The following DMXL1 variants were observed in gnomAD, a reference collection of about 807,000 sequenced individuals.
The protein encoded by DMXL1 is Dmx like 1.
In DMXL1, 99 loss-of-function variants were observed where a neutral mutation model predicts 319.2. The ratio of observed to expected loss-of-function variants is 0.31; its 90% confidence interval spans 0.26 to 0.37. The LOEUF (loss-of-function observed/expected upper bound fraction) is 0.37. DMXL1 is among the 10% of genes least tolerant of loss of function. The pLI, the probability that DMXL1 is intolerant of heterozygous loss-of-function variation, is 1.00. For synonymous variants in DMXL1, 1,385 were observed against 1,235.2 expected (o/e 1.12, Z -2.54); for missense variants, 3,745 against 3,595.6 (o/e 1.04, Z -1.06).
At position 119,106,159 on chromosome 5, in the gene DMXL1, A is replaced by C. The variant is rs559047690; in HGVS notation, c.364+901A>C. On this transcript the variant is annotated intron_variant, in intron 4 of 43. Transcript: ENST00000539542. Reference sequence around the variant, plus strand: ...GGCCTTGCTGCTTGCTATCTACTGGAATGCCTTTGTTCTCCTCCACATGGC... The same window carrying C: ...GGCCTTGCTGCTTGCTATCTACTGGCATGCCTTTGTTCTCCTCCACATGGC... Among the ~76,000 whole-genome samples the C allele has an allele frequency of 4.7e-3, 709 of 152,210 alleles. 5 individuals carry two copies. The highest frequency in any genetic ancestry group is 0.016 in the African/African-American group (658 of 41,518).
rs536107046 is a variant in DMXL1 at position 119,113,335 on chromosome 5, G to A, written c.498-1140G>A. 7.2e-5 allele frequency among the ~76,000 whole-genome samples: 11 copies of A among 152,158 alleles called. 1 individual carries two copies. In the East Asian group the frequency reaches 2.1e-3, roughly 29 times the overall value. ...TGGCTCACTGCAACCTCTACCTCCT[G>A]GGTTCAAGCAATTCTCCTGCCTCAG... On this transcript the variant is annotated intron_variant, in intron 5 of 43. Coordinates refer to ENST00000539542, the MANE Select transcript of DMXL1 (RefSeq NM_001290321.3).
chr5:119,243,285 G>A (rs1160988330), intron 42 of DMXL1, among the ~76,000 whole-genome samples: 1 of 152,118 alleles, frequency 6.6e-6, no homozygotes, highest in Non-Finnish European at 1.5e-5. Context: ...TTTAGTTTAT[G>A]CCATGGACTA....
Position 119,221,037 on chromosome 5 carries a change from A to G in DMXL1, c.8233A>G (p.Met2745Val), listed in dbSNP as rs756021355. ...THSNPGTPINMPWLGSTQTGR... is the reference protein window; with the variant it reads ...THSNPGTPINVPWLGSTQTGR... ...TAGCAATCCTGGCACTCCAATCAAC[A>G]TGCCATGGCTTGGTAGTACACAGAC... The change falls in exon 37 of 44, where the codon ATG becomes GTG. Residue 2745 changes from methionine (M) to valine (V), a missense_variant. Met to Val is a conservative substitution (Grantham distance 21). Around this residue, in one of 4 missense-constraint regions of DMXL1, gnomAD observed 1,382 missense variants for 1,269.5 expected, o/e 1.09. Coordinates refer to ENST00000539542, the MANE Select transcript of DMXL1 (RefSeq NM_001290321.3). 3.0e-5 allele frequency: 48 copies of G among 1,613,726 alleles called. No homozygotes were observed. The highest frequency in any genetic ancestry group is 8.3e-5 in the Admixed American group (5 of 59,988).
chr5:119,139,333 G>A (rs910137433), intron 13 of DMXL1, among the ~76,000 whole-genome samples: 15 of 152,100 alleles, frequency 9.9e-5, no homozygotes, highest in African/African-American at 3.6e-4. Context: ...GGTATAGAGT[G>A]GCACACTGGA....
At chr5:119,131,942 C>G (rs2150041227) in intron 10 of DMXL1, among the ~76,000 whole-genome samples, 1 of 152,278 alleles carries the variant, frequency 6.6e-6, no homozygotes, top group East Asian at 1.9e-4. Flanking sequence ...GTTCCTCACA[C>G]TCAAGGCAAA....
chr5:119,151,734 C>T (rs1034472295), intron 18 of DMXL1, among the ~76,000 whole-genome samples, 195 bp from the exon 19 acceptor site: 2 of 152,064 alleles, frequency 1.3e-5, no homozygotes, highest in African/African-American at 2.4e-5. Context: ...TCTTTATTCT[C>T]TTTATTATTT....
At chr5:119,160,645 A>C (rs764154995) in intron 19 of DMXL1, among the ~76,000 whole-genome samples, 1 of 152,138 alleles carries the variant, frequency 6.6e-6, no homozygotes, top group South Asian at 2.1e-4. Flanking sequence ...ATTGTAATCT[A>C]TCTCTCCCTT....
At chr5:119,239,691 C>T (rs1050223348) in intron 41 of DMXL1, among the ~76,000 whole-genome samples, 1 of 152,140 alleles carries the variant, frequency 6.6e-6, no homozygotes, top group Non-Finnish European at 1.5e-5. Flanking sequence ...CACAGTGGCT[C>T]ATGCTTGTAA....
At chr5:119,180,518 C>T (rs1776594553) in intron 28 of DMXL1, among the ~76,000 whole-genome samples, 1 of 152,096 alleles carries the variant, frequency 6.6e-6, no homozygotes, top group Non-Finnish European at 1.5e-5. Context: ...TCATTTACTT[C>T]TCCTTTTTCT....
intron 23 of DMXL1, among the ~76,000 whole-genome samples, chr5:119,168,706 T>C (rs1283818023): frequency 1.3e-5 from 2 of 151,982 alleles, no homozygotes; most frequent in African/African-American, 4.8e-5. Context: ...ACTTTCTTTT[T>C]TTAGTGTTTT....
In DMXL1 at chr5:119,239,100, A is replaced by G. The variant is rs1323047686; in HGVS notation, c.8651+20A>G. The G allele has an allele frequency of 1.2e-6, 2 of 1,612,260 alleles. No individual in the cohort carries two copies. The highest frequency in any genetic ancestry group is 2.2e-5 in the South Asian group (2 of 91,020). On this transcript the variant is annotated intron_variant, in intron 41 of 43. Transcript: ENST00000539542. Reference sequence around the variant, plus strand: ...CAATAGGTAAGAGATGATAGCTAAAATTGAAGTATGAGAAAGTATAGCTGA... The same window carrying G: ...CAATAGGTAAGAGATGATAGCTAAAGTTGAAGTATGAGAAAGTATAGCTGA...
At chr5:119,232,451 A>G (rs1786935315) in intron 38 of DMXL1, among the ~76,000 whole-genome samples, 1 of 152,140 alleles carries the variant, frequency 6.6e-6, no homozygotes. Flanking sequence ...TACCACATTA[A>G]TATTGATAAT....
chr5:119,141,776 A>G lies in DMXL1; in HGVS notation c.2377-2065A>G, dbSNP rs370070989. ...TAGAGAAACCTATTTTAAAAGTCAT[A>G]TGGAACCAAAATAAGAGGCTGTGTA... On this transcript the variant is annotated intron_variant, in intron 13 of 43. Transcript: ENST00000539542. 2.8e-4 allele frequency among the ~76,000 whole-genome samples: 43 copies of G among 152,292 alleles called. 1 individual carries two copies. Among genetic ancestry groups the G allele is most frequent in the African/African-American group, 9.9e-4 (41 of 41,566 alleles).
At chr5:119,182,512 T>C (rs866841247) in intron 28 of DMXL1, among the ~76,000 whole-genome samples, 1 of 152,168 alleles carries the variant, frequency 6.6e-6, no homozygotes, top group South Asian at 2.1e-4. Context: ...CTGTTATAAA[T>C]TTGGATTTAA....
At position 119,156,422 on chromosome 5, in the gene DMXL1, G is replaced by T. The variant is rs540482597; in HGVS notation, c.4702+4386G>T. ...ATTTTATTGCAATATTTGCTTTATTGTGGTGGTCTGAAATCGAACCCATGG... is the reference window on the plus strand; with the variant it reads ...ATTTTATTGCAATATTTGCTTTATTTTGGTGGTCTGAAATCGAACCCATGG... On this transcript the variant is annotated intron_variant, in intron 19 of 43. Transcript: ENST00000539542. Among the ~76,000 whole-genome samples the T allele has an allele frequency of 7.9e-5, 12 of 152,276 alleles. No homozygotes were observed. In the East Asian group the frequency reaches 2.1e-3, roughly 27 times the overall value.
At chr5:119,174,440 T>C (rs991920855) in intron 25 of DMXL1, among the ~76,000 whole-genome samples, 1 of 152,240 alleles carries the variant, frequency 6.6e-6, no homozygotes, top group Non-Finnish European at 1.5e-5. Context: ...GTGATCATTT[T>C]TGCAAGCTCC....
At chr5:119,079,501 C>G (rs546825340) in intron 1 of DMXL1, among the ~76,000 whole-genome samples, 1 of 152,296 alleles carries the variant, frequency 6.6e-6, no homozygotes, top group South Asian at 2.1e-4. Context: ...CTGCCACATC[C>G]CTCTTTATCT....
At chr5:119,084,935 CCA>C (rs1753022294) in intron 1 of DMXL1, among the ~76,000 whole-genome samples, 1 of 151,656 alleles carries the variant, frequency 6.6e-6, no homozygotes, top group Non-Finnish European at 1.5e-5. Context: ...TTCTTCCAAT[CCA>C]TGAGCATGGA....
intron 2 of DMXL1, chr5:119,100,818 C>T (rs899273560): frequency 1.0e-4 from 12 of 115,062 alleles, no homozygotes; most frequent in Non-Finnish European, 2.0e-4. Flanking sequence ...CTCACTTTGT[C>T]GCCCAGGCTG....
Sources: allele counts gnomAD v4.1 joint callset (sites outside exome capture counted in the v4.1 genomes callset), GRCh38; gene constraint gnomAD v4.1.1; regional missense constraint gnomAD v4.1.1; transcripts MANE v1.5; gene names NCBI Gene and HGNC (gene_info 2026-07-23, HGNC 2026-07-21).